GALNTL6: variants seen among roughly 807,000 people sequenced by gnomAD.
GALNTL6 encodes polypeptide N-acetylgalactosaminyltransferase like 6.
In GALNTL6, 46 loss-of-function variants were observed where a neutral mutation model predicts 73.7. That is an observed-to-expected ratio of 0.62 (90% CI 0.49 to 0.80). The LOEUF is 0.80. Ranked by LOEUF, GALNTL6 falls within the 30% of genes least tolerant of loss-of-function variation. The pLI, the probability that GALNTL6 is intolerant of heterozygous loss-of-function variation, is 0.00. For missense variants in GALNTL6, 604 were observed against 755.0 expected (o/e 0.80, Z 2.34); for synonymous variants, 259 against 263.7 (o/e 0.98, Z 0.17).
At chr4:171,987,001 G>A (rs927949594) in intron 2 of GALNTL6, among the ~76,000 whole-genome samples, 19 of 150,018 alleles carry the variant, frequency 1.3e-4, no homozygotes, top group Non-Finnish European at 2.5e-4. Flanking sequence ...CGGTGAATAG[G>A]CGTATGACTA....
chr4:172,042,891 A>AAAAG (rs1742124776), intron 2 of GALNTL6, among the ~76,000 whole-genome samples: 1 of 147,610 alleles, frequency 6.8e-6, no homozygotes, highest in Non-Finnish European at 1.5e-5. Context: ...AAAAAAAAAA[A>AAAAG]GGTAATTATT....
chr4:173,021,685 A>G (rs575968456), intron 12 of GALNTL6, 60 bp downstream of exon 12: 9 of 1,572,840 alleles, frequency 5.7e-6, no homozygotes, highest in Admixed American at 1.7e-5. Context: ...ATTCTTACTC[A>G]GTTTTCTTTG....
At chr4:171,939,093 G>GAAAA (rs11393589) in intron 2 of GALNTL6, among the ~76,000 whole-genome samples, 2 of 149,032 alleles carry the variant, frequency 1.3e-5, no homozygotes, top group Non-Finnish European at 3.0e-5. Context: ...ATTTAAAATG[G>GAAAA]AAAAAAAAAA....
At chr4:173,025,328 A>C (rs1048839141) in intron 12 of GALNTL6, among the ~76,000 whole-genome samples, 1 of 152,206 alleles carries the variant, frequency 6.6e-6, no homozygotes, top group African/African-American at 2.4e-5. Context: ...GTCCTCACCC[A>C]GCATCAAACA....
At chr4:172,605,798 G>A (rs761980755) in intron 5 of GALNTL6, among the ~76,000 whole-genome samples, 7 of 152,082 alleles carry the variant, frequency 4.6e-5, no homozygotes, top group Non-Finnish European at 7.3e-5. Context: ...TGAAGAGTGA[G>A]GAGGCTGGAT....
At chr4:172,019,709 T>A (rs111989582) in intron 2 of GALNTL6, among the ~76,000 whole-genome samples, 1 of 152,024 alleles carries the variant, frequency 6.6e-6, no homozygotes, top group African/African-American at 2.4e-5. Flanking sequence ...TAGACTCTGA[T>A]ACAAAAATAA....
chr4:172,309,463 G>T (rs938484561), intron 3 of GALNTL6, among the ~76,000 whole-genome samples: 3 of 151,782 alleles, frequency 2.0e-5, no homozygotes, highest in African/African-American at 7.3e-5. Flanking sequence ...GTTTTAAAGG[G>T]TACTAGAAAT....
chr4:172,894,696 G>C (rs1484470188), intron 8 of GALNTL6, among the ~76,000 whole-genome samples: 1 of 152,072 alleles, frequency 6.6e-6, no homozygotes, highest in African/African-American at 2.4e-5. Flanking sequence ...AGGTCCATTT[G>C]TTCTAGTGTA....
intron 2 of GALNTL6, among the ~76,000 whole-genome samples, chr4:172,098,973 G>T (rs866403770): frequency 4.6e-5 from 7 of 152,206 alleles, no homozygotes; most frequent in African/African-American, 1.7e-4. Context: ...TTATGACAGG[G>T]AACAAAATCA....
At position 172,529,670 on chromosome 4, in the gene GALNTL6, TTTGTTGTTG is replaced by T. The variant is rs10642038; in HGVS notation, c.553+181006_553+181014del. On this transcript the variant is annotated intron_variant, in intron 5 of 12. Coordinates refer to ENST00000506823, the MANE Select transcript of GALNTL6 (RefSeq NM_001034845.3). Reference sequence around the variant, plus strand: ...ATGCAAAGTTGGAGTACCTAATTTGTTTGTTGTTGTTGTTGTTGTTGTTGTTGTTGTTGA... The same window carrying T: ...ATGCAAAGTTGGAGTACCTAATTTGTTTGTTGTTGTTGTTGTTGTTGTTGA... Among the ~76,000 whole-genome samples, 8 of 148,234 alleles carry T rather than the reference TTTGTTGTTG, an allele frequency of 5.4e-5. No individual in the cohort carries two copies. The South Asian group carries it at 1.1e-3, about 20-fold the overall frequency.
chr4:172,507,433 C>A (rs1268310750), intron 5 of GALNTL6, among the ~76,000 whole-genome samples: 1 of 53,982 alleles, frequency 1.9e-5, no homozygotes, highest in African/African-American at 4.7e-5. Flanking sequence ...ACCTCTGAGG[C>A]TGTTTATGAG....
At chr4:172,536,978 T>C (rs1735366613) in intron 5 of GALNTL6, among the ~76,000 whole-genome samples, 1 of 152,188 alleles carries the variant, frequency 6.6e-6, no homozygotes, top group Non-Finnish European at 1.5e-5. Flanking sequence ...GCATGGGACT[T>C]GTAGCCCCTT....
At chr4:171,942,776 C>T (rs1399431896) in intron 2 of GALNTL6, among the ~76,000 whole-genome samples, 1 of 152,150 alleles carries the variant, frequency 6.6e-6, no homozygotes, top group African/African-American at 2.4e-5. Flanking sequence ...ATTATATGCT[C>T]AATTACGAAT....
chr4:172,617,372 C>G (rs1375332638), intron 5 of GALNTL6, among the ~76,000 whole-genome samples: 1 of 147,114 alleles, frequency 6.8e-6, no homozygotes, highest in Non-Finnish European at 1.5e-5. Context: ...CCTTTAGACC[C>G]TATCTTGGGA....
chr4:171,834,760 GA>G (rs1346638831), intron 2 of GALNTL6, among the ~76,000 whole-genome samples: 2 of 152,070 alleles, frequency 1.3e-5, no homozygotes, highest in Non-Finnish European at 2.9e-5. Flanking sequence ...GCACAGGCAA[GA>G]GGGGTAAAGG....
intron 3 of GALNTL6, among the ~76,000 whole-genome samples, chr4:172,291,578 A>G (rs988179079): frequency 3.9e-5 from 6 of 152,122 alleles, no homozygotes; most frequent in African/African-American, 9.7e-5. Context: ...AAATTCTTAA[A>G]TTCAATAGGA....
At chr4:172,959,878 CGGTTTAG>C (rs1300711530) in intron 10 of GALNTL6, among the ~76,000 whole-genome samples, 2 of 152,132 alleles carry the variant, frequency 1.3e-5, no homozygotes, top group African/African-American at 2.4e-5. Context: ...CTGCCTGCTG[CGGTTTAG>C]GCGTTTGGAA....
chr4:172,500,802 G>A (rs953528954), intron 5 of GALNTL6, among the ~76,000 whole-genome samples: 3 of 152,132 alleles, frequency 2.0e-5, no homozygotes, highest in African/African-American at 7.2e-5. Flanking sequence ...ATCCTTATGA[G>A]TGTCTTAAAT....
chr4:171,982,172 C>T (rs1011474542), intron 2 of GALNTL6, among the ~76,000 whole-genome samples: 6 of 152,058 alleles, frequency 3.9e-5, no homozygotes, highest in Non-Finnish European at 8.8e-5. Flanking sequence ...TCTATATAAC[C>T]ACTTCTAATC....
Sources: gnomAD v4.1 joint callset for allele counts (sites outside exome capture counted in the v4.1 genomes callset) on GRCh38, gnomAD v4.1.1 for gene constraint, MANE v1.5 for transcripts, NCBI Gene and HGNC (gene_info 2026-07-23, HGNC 2026-07-21) for gene names.